The following INTS12 variants were observed in gnomAD, a reference collection of about 807,000 sequenced individuals.
The protein encoded by INTS12 is PHD finger protein 22.
In INTS12, 13 loss-of-function variants were observed where a neutral mutation model predicts 41.6. That is an observed-to-expected ratio of 0.31 (90% CI 0.20 to 0.50). The LOEUF (loss-of-function observed/expected upper bound fraction) is 0.50. Ranked by LOEUF, INTS12 falls within the 20% of genes least tolerant of loss-of-function variation. The probability of loss-of-function intolerance (pLI) is 0.98; values close to 1 mark genes in which losing one functional copy is unlikely to be tolerated. For missense variants in INTS12, 432 were observed against 541.6 expected, an observed-to-expected ratio of 0.80 and a Z score of 2.01; for synonymous variants, 199 against 191.4, an observed-to-expected ratio of 1.04 and a Z score of -0.33.
intron 2 of INTS12, among the ~76,000 whole-genome samples, chr4:105,702,106 T>G (rs1242028428): frequency 6.6e-6 from 1 of 151,660 alleles, no homozygotes; most frequent in Non-Finnish European, 1.5e-5. Flanking sequence ...AAAAAAATAT[T>G]AACTTTTTAA....
chr4:105,701,384 C>A (rs1732067525), intron 2 of INTS12, among the ~76,000 whole-genome samples: 2 of 151,984 alleles, frequency 1.3e-5, no homozygotes, highest in African/African-American at 4.8e-5. Context: ...GAAAAAGTAA[C>A]CTTATCTCAA....
At chr4:105,694,050 T>C (rs1731777095) in intron 4 of INTS12, among the ~76,000 whole-genome samples, 1 of 152,212 alleles carries the variant, frequency 6.6e-6, no homozygotes, top group Non-Finnish European at 1.5e-5. Flanking sequence ...ATACATCCTA[T>C]AGAAACTATT....
intron 2 of INTS12, among the ~76,000 whole-genome samples, chr4:105,702,134 T>C (rs1455663398): frequency 5.7e-5 from 8 of 139,260 alleles, no homozygotes; most frequent in South Asian, 2.4e-4. Context: ...CTATTTCTTT[T>C]TTTTTTTTTT....
chr4:105,696,592 A>G, intron 3 of INTS12, among the ~76,000 whole-genome samples: 1 of 152,172 alleles, frequency 6.6e-6, no homozygotes, highest in Middle Eastern at 3.2e-3. Context: ...ACTACAATTT[A>G]TTTATCAATT....
At chr4:105,702,280 C>T (rs913030700) in intron 2 of INTS12, among the ~76,000 whole-genome samples, 3 of 151,354 alleles carry the variant, frequency 2.0e-5, no homozygotes, top group African/African-American at 4.9e-5. Flanking sequence ...GGACTACAGG[C>T]GCCCGCCACC....
At chr4:105,707,954 T>G in intron 1 of INTS12, 1 of 985,448 alleles carries the variant, frequency 1.0e-6, no homozygotes, top group Non-Finnish European at 1.2e-6. Flanking sequence ...GTTGATCATA[T>G]GCACGTGCCC....
At position 105,695,632 on chromosome 4, in the gene INTS12, T is replaced by G; in HGVS notation, c.193A>C (p.Ile65Leu). The change falls in exon 4 of 8, where the codon ATT (isoleucine) becomes CTT (leucine). Residue 65 changes from isoleucine (I) to leucine (L), a missense_variant. This residue lies in a region of INTS12 where 168 missense variants were observed against 198.9 expected (regional missense o/e 0.84). Transcript: ENST00000340139. Reference protein sequence around the residue: ...EPPKISSTKNISIKQEPKISS... With the variant: ...EPPKISSTKNLSIKQEPKISS... ...ATTTTGGGCTCTTGCTTAATGGAAATGTTTTTTGTGCTTGAAATTTTGGGT... is the reference window on the plus strand; with the variant it reads ...ATTTTGGGCTCTTGCTTAATGGAAAGGTTTTTTGTGCTTGAAATTTTGGGT... 1.2e-6 allele frequency: 2 copies of G among 1,612,880 alleles called. No homozygotes were observed. Among genetic ancestry groups the G allele is most frequent in the Non-Finnish European group, 1.7e-6 (2 of 1,179,718 alleles).
In INTS12 at chr4:105,695,529, C is replaced by A; in HGVS notation, c.296G>T (p.Arg99Ile). The change falls in exon 4 of 8, where the codon AGA becomes ATA. Residue 99 changes from arginine to isoleucine, a missense_variant. Coordinates refer to ENST00000340139, the MANE Select transcript of INTS12 (RefSeq NM_020395.4). ...TEKVKKEAEK[R>I]PADKMKSDIT... ...ATAAAATCTTACTTTATCAGCAGGTCTCTTTTCAGCTTCCTTCTTTACCTT... is the reference window on the plus strand; with the variant it reads ...ATAAAATCTTACTTTATCAGCAGGTATCTTTTCAGCTTCCTTCTTTACCTT... 6.2e-7 allele frequency: 1 copy of A among 1,600,214 alleles called. No homozygotes were observed. The highest frequency in any genetic ancestry group is 8.5e-7 in the Non-Finnish European group (1 of 1,176,358).
intron 7 of INTS12, among the ~76,000 whole-genome samples, 184 bp downstream of exon 7, chr4:105,686,508 G>A (rs1731502036): frequency 1.3e-5 from 2 of 152,274 alleles, no homozygotes; most frequent in South Asian, 2.1e-4. Flanking sequence ...AAACAACAGA[G>A]TTAGAGATTA....
At chr4:105,691,894 A>T in intron 6 of INTS12, 82 bp downstream of exon 6, 1 of 994,848 alleles carries the variant, frequency 1.0e-6, no homozygotes. Flanking sequence ...AATATCTTAA[A>T]TATTCAAATC....
intron 1 of INTS12, 36 bp downstream of exon 1, chr4:105,708,602 A>T (rs1732391977): frequency 8.1e-6 from 8 of 985,124 alleles, no homozygotes; most frequent in Non-Finnish European, 9.6e-6. Flanking sequence ...TCGAGCCTCC[A>T]GGAGGCCAGG....
intron 4 of INTS12, among the ~76,000 whole-genome samples, chr4:105,694,241 C>T (rs914812131): frequency 3.3e-5 from 5 of 152,084 alleles, no homozygotes; most frequent in African/African-American, 1.2e-4. Flanking sequence ...GATCTACATG[C>T]ATTAACAAAG....
intron 6 of INTS12, among the ~76,000 whole-genome samples, chr4:105,690,880 T>C (rs937831562): frequency 2.0e-5 from 3 of 152,198 alleles, no homozygotes; most frequent in Admixed American, 6.5e-5. Flanking sequence ...ATTGCTCATC[T>C]GTAATAATTT....
intron 6 of INTS12, among the ~76,000 whole-genome samples, chr4:105,688,672 T>C (rs1216263540): frequency 6.6e-6 from 1 of 152,228 alleles, no homozygotes; most frequent in East Asian, 1.9e-4. Flanking sequence ...ACCATGGCTT[T>C]CAATCTTAAC....
intron 6 of INTS12, among the ~76,000 whole-genome samples, chr4:105,691,653 A>C (rs1731689348): frequency 6.6e-6 from 1 of 152,196 alleles, no homozygotes; most frequent in Non-Finnish European, 1.5e-5. Context: ...GTATCTCACC[A>C]CTTCTCAGTG....
chr4:105,688,118 T>G (rs1731557947), intron 6 of INTS12, among the ~76,000 whole-genome samples: 1 of 152,224 alleles, frequency 6.6e-6, no homozygotes, highest in African/African-American at 2.4e-5. Flanking sequence ...TGTAAGAGTT[T>G]AGCATAGTGT....
chr4:105,708,126 T>A, intron 1 of INTS12: 1 of 985,358 alleles, frequency 1.0e-6, no homozygotes, highest in Non-Finnish European at 1.2e-6. Context: ...CTCCACTGAG[T>A]TCTTGGTTCT....
chr4:105,686,912 G>C, intron 6 of INTS12, 74 bp from the exon 7 acceptor site: 1 of 1,270,652 alleles, frequency 7.9e-7, no homozygotes, highest in Non-Finnish European at 1.1e-6. Context: ...TCCCTCACAG[G>C]ACTCATCACT....
At chr4:105,699,790 A>G (rs1360106022) in intron 3 of INTS12, 60 bp downstream of exon 3, 46 of 1,159,676 alleles carry the variant, frequency 4.0e-5, no homozygotes, top group Non-Finnish European at 5.4e-5. Flanking sequence ...TCTATATGTT[A>G]TCAATGTAGT....
Sources: gnomAD v4.1 joint callset for allele counts (sites outside exome capture counted in the v4.1 genomes callset) on GRCh38, gnomAD v4.1.1 for gene constraint, gnomAD v4.1.1 regional missense constraint, MANE v1.5 for transcripts, NCBI Gene and HGNC (gene_info 2026-07-23, HGNC 2026-07-21) for gene names.